Variants in TENM3 observed in about 807,000 individuals in gnomAD.
TENM3 encodes the protein teneurin transmembrane protein 3, also known as teneurin-3.
In TENM3, 63 loss-of-function variants were observed where a neutral mutation model predicts 255.1. That is an observed-to-expected ratio of 0.25 (90% CI 0.20 to 0.30). The LOEUF (loss-of-function observed/expected upper bound fraction) is 0.30, where lower values mean the gene tolerates loss of function less well. Ranked by LOEUF, TENM3 falls within the 10% of genes least tolerant of loss-of-function variation. The pLI is 1.00. For missense variants in TENM3, 2,929 were observed against 3,461.1 expected (o/e 0.85, Z 3.86); for synonymous variants, 1,306 against 1,322.3 (o/e 0.99, Z 0.27).
chr4:181,641,665 AAT>A, the TENM3 span, among the ~76,000 whole-genome samples: 1,366 of 102,236 alleles, frequency 0.013, 26 homozygotes, highest in East Asian at 0.02. Context: ...TATACCATGG[AAT>A]ATATATATAT....
chr4:182,513,528 T>G (rs1560854270), intron 3 of TENM3, among the ~76,000 whole-genome samples: 1 of 152,138 alleles, frequency 6.6e-6, no homozygotes, highest in Non-Finnish European at 1.5e-5. Flanking sequence ...TGTGTTTCAT[T>G]TTGTAAGGTT....
the TENM3 span, among the ~76,000 whole-genome samples, chr4:181,839,163 A>G: frequency 6.6e-6 from 1 of 150,562 alleles, no homozygotes; most frequent in Non-Finnish European, 1.5e-5. Context: ...ATTTCTAAAC[A>G]TATGGGAAAG....
chr4:182,584,221 T>G (rs951286521), intron 3 of TENM3, among the ~76,000 whole-genome samples: 2 of 152,220 alleles, frequency 1.3e-5, no homozygotes, highest in African/African-American at 2.4e-5. Flanking sequence ...GGATGTAATT[T>G]CAGTTCTGGC....
At chr4:182,320,705 C>A (rs1293978128) in intron 1 of TENM3, among the ~76,000 whole-genome samples, 1 of 152,208 alleles carries the variant, frequency 6.6e-6, no homozygotes, top group Non-Finnish European at 1.5e-5. Context: ...ATTCAAACCA[C>A]TGCAGTTCCT....
intron 9 of TENM3, 87 bp downstream of exon 9, chr4:182,680,436 A>C: frequency 9.3e-7 from 1 of 1,076,112 alleles, no homozygotes; most frequent in Non-Finnish European, 1.4e-6. Context: ...ACAGGAAAGA[A>C]AGGGGGGGGG....
At chr4:182,761,476 T>A (rs981255726) in intron 22 of TENM3, among the ~76,000 whole-genome samples, 2 of 151,968 alleles carry the variant, frequency 1.3e-5, no homozygotes, top group African/African-American at 4.8e-5. Flanking sequence ...TGAGAGGATA[T>A]CCTTTCCTTT....
At chr4:182,206,580 C>G (rs945155670) in intron 1 of TENM3, among the ~76,000 whole-genome samples, 24 of 152,148 alleles carry the variant, frequency 1.6e-4, no homozygotes, top group African/African-American at 5.6e-4. Context: ...ATTCCTCATG[C>G]GTGTCATAGA....
chr4:181,855,531 A>G, the TENM3 span, among the ~76,000 whole-genome samples: 1 of 152,206 alleles, frequency 6.6e-6, no homozygotes, highest in Non-Finnish European at 1.5e-5. Flanking sequence ...GAAGAACCCT[A>G]CAGGGGTTTG....
chr4:182,267,188 T>A (rs182058532), intron 1 of TENM3, among the ~76,000 whole-genome samples: 10 of 152,322 alleles, frequency 6.6e-5, no homozygotes, highest in Middle Eastern at 3.4e-3. Context: ...TCAAGAAAAC[T>A]TTTCTTTTGA....
chr4:181,792,174 C>A, the TENM3 span, among the ~76,000 whole-genome samples: 3 of 152,260 alleles, frequency 2.0e-5, no homozygotes, highest in Admixed American at 6.5e-5. Flanking sequence ...CACAATGTAA[C>A]AATACAGCGT....
At chr4:181,583,546 A>C in the TENM3 span, among the ~76,000 whole-genome samples, 1 of 152,218 alleles carries the variant, frequency 6.6e-6, no homozygotes, top group Non-Finnish European at 1.5e-5. Flanking sequence ...ATAACACTTT[A>C]GGTTAAAAAA....
At chr4:181,482,664 G>A in the TENM3 span, among the ~76,000 whole-genome samples, 1 of 152,098 alleles carries the variant, frequency 6.6e-6, no homozygotes, top group Non-Finnish European at 1.5e-5. Context: ...CCCTTTCTAA[G>A]AGGAAAGATA....
the TENM3 span, among the ~76,000 whole-genome samples, chr4:181,743,483 A>G: frequency 2.0e-5 from 3 of 152,194 alleles, no homozygotes; most frequent in African/African-American, 2.4e-5. Flanking sequence ...AGAAAGTGAT[A>G]TTTGAGCAAA....
the TENM3 span, among the ~76,000 whole-genome samples, chr4:181,670,639 G>A: frequency 6.6e-6 from 1 of 152,164 alleles, no homozygotes; most frequent in African/African-American, 2.4e-5. Flanking sequence ...TGGTTGTAGG[G>A]CATTCAACAC....
the TENM3 span, among the ~76,000 whole-genome samples, chr4:181,876,527 A>T: frequency 6.6e-6 from 1 of 152,174 alleles, no homozygotes; most frequent in African/African-American, 2.4e-5. Flanking sequence ...TTCTATACCT[A>T]GTATCTACTA....
intron 3 of TENM3, among the ~76,000 whole-genome samples, chr4:182,391,011 C>T (rs1025966883): frequency 2.0e-5 from 3 of 152,158 alleles, no homozygotes; most frequent in African/African-American, 7.2e-5. Context: ...ACCAATCCCT[C>T]TTCTCATGTT....
intron 5 of TENM3, among the ~76,000 whole-genome samples, chr4:182,638,303 T>G (rs1276663380): frequency 1.3e-5 from 2 of 152,228 alleles, no homozygotes; most frequent in African/African-American, 2.4e-5. Flanking sequence ...CTTCTTTCCA[T>G]TCATGAGTAC....
the TENM3 span, among the ~76,000 whole-genome samples, chr4:181,885,848 T>G: frequency 6.6e-6 from 1 of 152,330 alleles, no homozygotes; most frequent in Non-Finnish European, 1.5e-5. Flanking sequence ...TGGGCCATTC[T>G]TAGAGATAAA....
At chr4:182,463,911 C>T (rs551148937) in intron 3 of TENM3, among the ~76,000 whole-genome samples, 1 of 152,084 alleles carries the variant, frequency 6.6e-6, no homozygotes, top group Non-Finnish European at 1.5e-5. Context: ...TGTGAGCCAC[C>T]GTGCCCAGCC....
Sources: gnomAD v4.1 joint callset for allele counts (sites outside exome capture counted in the v4.1 genomes callset) on GRCh38, gnomAD v4.1.1 for gene constraint, MANE v1.5 for transcripts, NCBI Gene and HGNC (gene_info 2026-07-23, HGNC 2026-07-21) for gene names.